LYPD6: variants seen among roughly 807,000 people sequenced by gnomAD.
The protein encoded by LYPD6 is LY6/PLAUR domain containing 6.
Under a neutral mutation model 22.7 loss-of-function variants are expected in LYPD6, and 15 were observed. The ratio of observed to expected loss-of-function variants is 0.66; its 90% confidence interval spans 0.44 to 1.02. The LOEUF (loss-of-function observed/expected upper bound fraction) is 1.02, where lower values mean the gene tolerates loss of function less well. Among genes scored for constraint, LYPD6 ranks in the 50% least tolerant of loss-of-function variants. The pLI is 0.00. For synonymous variants in LYPD6, 72 were observed against 77.5 expected (o/e 0.93, Z 0.37); for missense variants, 189 against 208.4 (o/e 0.91, Z 0.57).
intron 1 of LYPD6, among the ~76,000 whole-genome samples, chr2:149,331,151 G>T (rs1341596140): frequency 2.0e-5 from 3 of 152,240 alleles, no homozygotes; most frequent in African/African-American, 7.2e-5. Context: ...CGGGGCGGGG[G>T]GCAGTGGCGG....
At chr2:149,475,437 T>TA (rs1025332880), downstream of LYPD6, among the ~76,000 whole-genome samples, 4 of 152,224 alleles carry the variant, frequency 2.6e-5, no homozygotes, top group African/African-American at 7.2e-5. Flanking sequence ...ATGATTTTTT[T>TA]AAAAAAATAT....
intron 1 of LYPD6, among the ~76,000 whole-genome samples, chr2:149,331,711 C>T (rs56398198): frequency 0.053 from 8,044 of 152,228 alleles, 331 homozygotes; most frequent in Non-Finnish European, 0.08. Context: ...CCTCCCAGAG[C>T]ATATGACAAA....
At chr2:149,435,243 A>G (rs1307992321) in intron 1 of LYPD6, among the ~76,000 whole-genome samples, 2 of 152,246 alleles carry the variant, frequency 1.3e-5, no homozygotes. Context: ...TCTCTGTTGT[A>G]TAAGCCCCCC....
rs535660908 is a variant in LYPD6, at chr2:149,367,205, A to G, written c.-72+36483A>G. On this transcript the variant is annotated intron_variant, in intron 1 of 4. Coordinates refer to ENST00000334166, the MANE Select transcript of LYPD6 (RefSeq NM_194317.5). ...CTTCAGGGTCTATTACAAGGCTGCA[A>G]TCGGTTGTTAGCCAGGACAGGGATC... is the stretch of plus-strand genomic sequence containing the variant. Among the ~76,000 whole-genome samples, 5 of 152,246 alleles carry G rather than the reference A, an allele frequency of 3.3e-5. No homozygotes were observed. The South Asian group carries it at 8.3e-4, about 25-fold the overall frequency.
intron 1 of LYPD6, among the ~76,000 whole-genome samples, chr2:149,401,781 G>A (rs1382711467): frequency 1.3e-5 from 2 of 152,054 alleles, no homozygotes; most frequent in African/African-American, 4.8e-5. Context: ...GTTCTTCAGT[G>A]GTGATTTCTG....
At chr2:149,353,378 G>A (rs11897524) in intron 1 of LYPD6, among the ~76,000 whole-genome samples, 45,750 of 152,078 alleles carry the variant, frequency 0.3, 7,227 homozygotes, top group Middle Eastern at 0.36. Flanking sequence ...TTAAGGATAG[G>A]ATGATGCACA....
At chr2:149,407,040 T>G (rs1366735684) in intron 1 of LYPD6, among the ~76,000 whole-genome samples, 5 of 152,128 alleles carry the variant, frequency 3.3e-5, no homozygotes, top group Non-Finnish European at 5.9e-5. Flanking sequence ...TTCTTTTCTT[T>G]AAGAATGTTG....
intron 1 of LYPD6, among the ~76,000 whole-genome samples, chr2:149,432,195 G>A (rs909471388): frequency 6.6e-5 from 10 of 152,156 alleles, no homozygotes; most frequent in Non-Finnish European, 1.5e-5. Flanking sequence ...AAAACTGGCA[G>A]TTCCTCCAAA....
chr2:149,393,937 A>G (rs73964416), intron 1 of LYPD6, among the ~76,000 whole-genome samples: 6,820 of 152,254 alleles, frequency 0.045, 511 homozygotes, highest in African/African-American at 0.15. Context: ...TTGAATCCCA[A>G]GGTGCCAGAT....
Position 149,470,977 on chromosome 2 carries a change from C to A in LYPD6, c.*127C>A. On this transcript the variant is annotated 3_prime_UTR_variant, in exon 5 of 5. Transcript: ENST00000334166. ...CAACACTCTTGGAGGTCATCACAGC[C>A]AAGCATTGCCACTTACCATGAGGAA... The A allele has an allele frequency of 1.3e-6, 1 of 793,408 alleles. No individual in the cohort carries two copies. The highest frequency in any genetic ancestry group is 2.0e-6 in the Non-Finnish European group (1 of 499,568). The allele number at this position is 793,408 out of a possible 1,614,324, so 49.1% of individuals were successfully genotyped here.
upstream of LYPD6, chr2:149,330,343 G>C (rs1400789082): frequency 6.6e-6 from 1 of 151,192 alleles, no homozygotes; most frequent in Non-Finnish European, 1.5e-5. Context: ...TGCGCCGGGC[G>C]GTCGGCTCCC....
At chr2:149,386,735 A>AGT (rs1682193703) in intron 1 of LYPD6, among the ~76,000 whole-genome samples, 2 of 152,252 alleles carry the variant, frequency 1.3e-5, no homozygotes, top group African/African-American at 4.8e-5. Context: ...TACTGTAATC[A>AGT]ACACTGGGAA....
At chr2:149,478,456 C>T (rs961587507), downstream of LYPD6, among the ~76,000 whole-genome samples, 4 of 151,982 alleles carry the variant, frequency 2.6e-5, no homozygotes, top group South Asian at 2.1e-4. Context: ...CAGGGTCTCA[C>T]TCTGTTGCCC....
At chr2:149,435,854 G>A (rs1457029022) in intron 1 of LYPD6, among the ~76,000 whole-genome samples, 1 of 152,120 alleles carries the variant, frequency 6.6e-6, no homozygotes, top group African/African-American at 2.4e-5. Flanking sequence ...AGTGATAAGA[G>A]AGCTCTACTC....
chr2:149,436,357 T>A (rs1409906217), intron 1 of LYPD6, among the ~76,000 whole-genome samples: 1 of 152,192 alleles, frequency 6.6e-6, no homozygotes, highest in Non-Finnish European at 1.5e-5. Flanking sequence ...CTTGGAAAAG[T>A]AGTAGAACAT....
Position 149,437,724 on chromosome 2 carries a change from G to A in LYPD6, c.16G>A (p.Ala6Thr), listed in dbSNP as rs541047148. 1.9e-6 allele frequency: 3 copies of A among 1,614,122 alleles called. No homozygotes were observed. The highest frequency in any genetic ancestry group is 4.5e-5 in the East Asian group (2 of 44,862). The part of the protein sequence containing the change: MEPGP[A>T]LAWLLLLSLL... The stretch of plus-strand genomic sequence containing the variant: ...TCAGTCTGCCATGGAACCTGGCCCT[G>A]CTCTGGCCTGGCTCCTGCTCCTGAG... Residue 6 changes from alanine (A) to threonine (T), a missense_variant, in exon 2 of 5, where the codon GCT (alanine) becomes ACT (threonine). Coordinates refer to ENST00000334166, the MANE Select transcript of LYPD6 (RefSeq NM_194317.5).
downstream of LYPD6, among the ~76,000 whole-genome samples, chr2:149,477,012 G>A (rs933983273): frequency 4.5e-4 from 69 of 152,160 alleles, no homozygotes; most frequent in African/African-American, 1.5e-3. Context: ...GGTGGAAAGG[G>A]GCTGAGTAGA....
intron 1 of LYPD6, among the ~76,000 whole-genome samples, chr2:149,431,197 C>A (rs1393867674): frequency 4.6e-5 from 7 of 152,148 alleles, no homozygotes; most frequent in Admixed American, 1.3e-4. Flanking sequence ...GAGTGTACTT[C>A]TTCATAAAGA....
rs143805644 is a variant in LYPD6, at chr2:149,398,545, C to T, written c.-71-39093C>T. Among the ~76,000 whole-genome samples, 87 of 151,942 alleles carry T rather than the reference C, an allele frequency of 5.7e-4. No homozygotes were observed. In the East Asian group the frequency reaches 0.016, roughly 28 times the overall value. On this transcript the variant is annotated intron_variant, in intron 1 of 4. Coordinates refer to ENST00000334166, the MANE Select transcript of LYPD6 (RefSeq NM_194317.5). ...AGAGGGATGCTGCTTTCCTTACTTT[C>T]CTGTTACTGAGGAGGCTAGAGTGGG...
Sources: allele counts gnomAD v4.1 joint callset (sites outside exome capture counted in the v4.1 genomes callset), GRCh38; gene constraint gnomAD v4.1.1; transcripts MANE v1.5; gene names NCBI Gene and HGNC (gene_info 2026-07-23, HGNC 2026-07-21).